Variants in DNM3 observed in about 807,000 individuals in gnomAD.
DNM3 encodes dynamin-3.
In DNM3, 47 loss-of-function variants were observed where a neutral mutation model predicts 101.6. The ratio of observed to expected loss-of-function variants is 0.46; its 90% confidence interval spans 0.37 to 0.59. DNM3 has a LOEUF of 0.59. DNM3 is among the 20% of genes least tolerant of loss of function. The probability of loss-of-function intolerance (pLI) is 0.00; values close to 1 mark genes in which losing one functional copy is unlikely to be tolerated. For synonymous variants in DNM3, 385 were observed against 387.9 expected, an observed-to-expected ratio of 0.99 and a Z score of 0.09; for missense variants, 849 against 1,085.7, an observed-to-expected ratio of 0.78 and a Z score of 3.06.
At chr1:172,344,345 G>A (rs1048105440) in intron 17 of DNM3, among the ~76,000 whole-genome samples, 11 of 152,116 alleles carry the variant, frequency 7.2e-5, no homozygotes, top group African/African-American at 2.7e-4. Context: ...TGGGTTAGAA[G>A]GTATTGTCTT....
chr1:172,351,598 T>C (rs2067205481), intron 17 of DNM3, among the ~76,000 whole-genome samples: 1 of 152,182 alleles, frequency 6.6e-6, no homozygotes, highest in South Asian at 2.1e-4. Flanking sequence ...TAGCAGTTTT[T>C]ATGTGTTTTC....
chr1:172,087,081 G>A (rs1276262470), intron 12 of DNM3, among the ~76,000 whole-genome samples: 1 of 152,084 alleles, frequency 6.6e-6, no homozygotes, highest in Non-Finnish European at 1.5e-5. Flanking sequence ...CCACTCCACT[G>A]AGACTGCTTT....
At chr1:172,107,766 A>T (rs2055168194) in intron 13 of DNM3, among the ~76,000 whole-genome samples, 1 of 152,202 alleles carries the variant, frequency 6.6e-6, no homozygotes, top group Non-Finnish European at 1.5e-5. Context: ...ACTGAAATTA[A>T]ATCCTCTGAA....
rs552522395 is a variant in DNM3 at position 172,024,467 on chromosome 1, C to T, written c.590-7935C>T. ...CCAAATGTGGTTTATGCAATTAATT[C>T]AGTATGTACTAATTCCTGAATAAAG... On this transcript the variant is annotated intron_variant, in intron 4 of 20. Coordinates refer to ENST00000627582, the MANE Select transcript of DNM3 (RefSeq NM_015569.5). 2.6e-5 allele frequency among the ~76,000 whole-genome samples: 4 copies of T among 152,304 alleles called. No individual in the cohort carries two copies. In the South Asian group the frequency reaches 6.2e-4, roughly 24 times the overall value.
At chr1:171,931,220 T>C (rs1271466989) in intron 2 of DNM3, among the ~76,000 whole-genome samples, 1 of 152,200 alleles carries the variant, frequency 6.6e-6, no homozygotes, top group South Asian at 2.1e-4. Flanking sequence ...AGTGTTAAGA[T>C]GGCAATGCCT....
rs554140346 is a variant in DNM3 at position 172,193,411 on chromosome 1, A to G, written c.1660-60162A>G. 2.0e-5 allele frequency among the ~76,000 whole-genome samples: 3 copies of G among 152,132 alleles called. No homozygotes were observed. The East Asian group carries it at 5.8e-4, about 29-fold the overall frequency. On this transcript the variant is annotated intron_variant, in intron 14 of 20. Coordinates refer to ENST00000627582, the MANE Select transcript of DNM3 (RefSeq NM_015569.5). Reference sequence around the variant, plus strand: ...GGGAGGATTCCCTCTTTTTCTATTGATTGGAATAGTTTCAGAAGGAATGGA... The same window carrying G: ...GGGAGGATTCCCTCTTTTTCTATTGGTTGGAATAGTTTCAGAAGGAATGGA...
intron 1 of DNM3, among the ~76,000 whole-genome samples, chr1:171,908,746 G>A (rs1322581206): frequency 2.0e-5 from 3 of 152,094 alleles, no homozygotes; most frequent in South Asian, 2.1e-4. Context: ...AACATTAACA[G>A]ATACCTCTAT....
At chr1:171,902,099 T>C (rs759597886) in intron 1 of DNM3, among the ~76,000 whole-genome samples, 1 of 152,218 alleles carries the variant, frequency 6.6e-6, no homozygotes, top group Non-Finnish European at 1.5e-5. Flanking sequence ...TTTTCAAGAA[T>C]TAATAACCCC....
At chr1:172,212,279 C>T (rs145022261) in intron 14 of DNM3, among the ~76,000 whole-genome samples, 45 of 152,230 alleles carry the variant, frequency 3.0e-4, no homozygotes, top group Middle Eastern at 3.4e-3. Flanking sequence ...GAAAGTTGCT[C>T]AGTCCCTGGT....
chr1:172,209,411 C>G (rs1204890350), intron 14 of DNM3, among the ~76,000 whole-genome samples: 4 of 151,762 alleles, frequency 2.6e-5, no homozygotes, highest in African/African-American at 9.7e-5. Flanking sequence ...AATACAGGCA[C>G]CAAGGGTGAA....
intron 14 of DNM3, among the ~76,000 whole-genome samples, chr1:172,208,637 G>T (rs2060405883): frequency 6.6e-6 from 1 of 151,996 alleles, no homozygotes; most frequent in Admixed American, 6.6e-5. Flanking sequence ...ATTAAAATAA[G>T]CTATTTCTAC....
intron 10 of DNM3, among the ~76,000 whole-genome samples, chr1:172,054,958 TC>T (rs980867395): frequency 8.5e-5 from 10 of 118,114 alleles, no homozygotes; most frequent in Admixed American, 4.7e-4. Flanking sequence ...AGACTCCATT[TC>T]CCCCCCGCCC....
chr1:172,051,023 A>G (rs2050170627), intron 10 of DNM3, among the ~76,000 whole-genome samples: 1 of 151,802 alleles, frequency 6.6e-6, no homozygotes, highest in Non-Finnish European at 1.5e-5. Context: ...TGCTCCTTGG[A>G]TTGGTCTTCT....
chr1:172,308,856 T>C lies in DNM3; in HGVS notation c.1881+17T>C. 6.9e-7 allele frequency: 1 copy of C among 1,452,202 alleles called. No individual in the cohort carries two copies. The highest frequency in any genetic ancestry group is 9.6e-7 in the Non-Finnish European group (1 of 1,044,640). 90.0% of individuals were successfully genotyped at this position (1,452,202 alleles called of 1,614,324 possible). A position where few individuals can be genotyped will look rare whatever the true frequency, so the allele number is the denominator to read the frequency against. ...AAATCTGTAGTAAGTTGGATATATC[T>C]CTTATGTAAAAATTATTATTAGCTA... On this transcript the variant is annotated intron_variant, in intron 16 of 20. Transcript: ENST00000627582.
At chr1:172,364,685 A>G (rs1227353606) in intron 17 of DNM3, among the ~76,000 whole-genome samples, 1 of 151,918 alleles carries the variant, frequency 6.6e-6, no homozygotes, top group Non-Finnish European at 1.5e-5. Flanking sequence ...TCCCCAATGT[A>G]GGAGGTGGGG....
At chr1:171,920,861 C>A (rs1485291652) in intron 1 of DNM3, among the ~76,000 whole-genome samples, 3 of 152,174 alleles carry the variant, frequency 2.0e-5, no homozygotes, top group African/African-American at 7.2e-5. Flanking sequence ...ACTCAATTTG[C>A]AATGTTTGTT....
chr1:172,175,348 T>TA (rs1165358963), intron 14 of DNM3, among the ~76,000 whole-genome samples: 3 of 151,856 alleles, frequency 2.0e-5, no homozygotes, highest in Non-Finnish European at 2.9e-5. Flanking sequence ...TAAACTGATA[T>TA]AGCAGGGAAA....
At chr1:172,295,639 CTTAT>C (rs2064129123) in intron 15 of DNM3, among the ~76,000 whole-genome samples, 1 of 151,980 alleles carries the variant, frequency 6.6e-6, no homozygotes, top group African/African-American at 2.4e-5. Flanking sequence ...AAAAAGCCAG[CTTAT>C]TTGTTAACAA....
intron 1 of DNM3, among the ~76,000 whole-genome samples, chr1:171,860,091 G>GTTAT (rs1241549287): frequency 1.3e-5 from 2 of 152,130 alleles, no homozygotes; most frequent in African/African-American, 4.8e-5. Flanking sequence ...AATCAGGTTA[G>GTTAT]TTATGTAATC....
Sources: allele counts gnomAD v4.1 joint callset (sites outside exome capture counted in the v4.1 genomes callset), GRCh38; gene constraint gnomAD v4.1.1; transcripts MANE v1.5; gene names NCBI Gene and HGNC (gene_info 2026-07-23, HGNC 2026-07-21).